OLAH: variants seen among roughly 807,000 people sequenced by gnomAD.
The protein encoded by OLAH is oleoyl-ACP hydrolase.
A neutral mutation model predicts 27.8 loss-of-function variants in OLAH; 33 were observed. The observed-to-expected ratio is 1.19, with a 90% CI of 0.90 to 1.59. The LOEUF is 1.59. OLAH is among the 40% of genes most tolerant of loss of function. The probability of loss-of-function intolerance (pLI) is 0.00; values close to 1 mark genes in which losing one functional copy is unlikely to be tolerated. For missense variants in OLAH, 359 were observed against 310.8 expected (o/e 1.16, Z -1.17); for synonymous variants, 120 against 102.9 (o/e 1.17, Z -1.01).
At position 15,073,349 on chromosome 10, in the gene OLAH, G is replaced by A. The variant is rs532642733; in HGVS notation, c.*120G>A. The A allele has an allele frequency of 4.9e-5, 34 of 689,592 alleles. No homozygotes were observed. Among genetic ancestry groups the A allele is most frequent in the African/African-American group, 3.5e-4 (19 of 54,672 alleles). 42.7% of individuals were successfully genotyped at this position (689,592 alleles called of 1,614,324 possible). On this transcript the variant is annotated 3_prime_UTR_variant, in exon 8 of 8. Coordinates refer to ENST00000378228, the MANE Select transcript of OLAH (RefSeq NM_001039702.3). ...ACATTTTCTACTGTCAGGGAGATTC[G>A]TTACATAAATATATTTACGTATCTG...
chr10:15,064,355 C>T (rs374053752), intron 4 of OLAH, 48 bp from the exon 5 acceptor site: 180 of 1,094,188 alleles, frequency 1.6e-4, no homozygotes, highest in Non-Finnish European at 2.1e-4. Context: ...TGGATCATCA[C>T]GAGTTTTGCT....
At chr10:15,056,828 A>G in intron 3 of OLAH, 1 of 1,494,214 alleles carries the variant, frequency 6.7e-7, no homozygotes, top group Non-Finnish European at 8.9e-7. Context: ...TTGTAGAGAC[A>G]GCATCTCACC....
At chr10:15,047,006 A>G (rs1564527136) in intron 1 of OLAH, 120 bp from the exon 2 acceptor site, 2 of 335,634 alleles carry the variant, frequency 6.0e-6, no homozygotes, top group Non-Finnish European at 1.1e-5. Flanking sequence ...CCTTATCTGA[A>G]TAACATCAGT....
intron 6 of OLAH, among the ~76,000 whole-genome samples, chr10:15,067,438 G>A (rs1435434525): frequency 2.0e-5 from 3 of 152,064 alleles, no homozygotes; most frequent in African/African-American, 4.8e-5. Context: ...AGAGGGGAGC[G>A]TCTGGCACAC....
chr10:15,046,030 C>G (rs1170514963), intron 1 of OLAH, among the ~76,000 whole-genome samples: 1 of 151,812 alleles, frequency 6.6e-6, no homozygotes, highest in East Asian at 1.9e-4. Flanking sequence ...GATTCAGTCT[C>G]AAAGAAATGA....
intron 3 of OLAH, chr10:15,056,811 TA>T (rs1284408918): frequency 2.5e-5 from 36 of 1,459,668 alleles, no homozygotes; most frequent in Non-Finnish European, 2.9e-5. Context: ...TATTTTATTT[TA>T]TTTTTTTGTA....
In OLAH at chr10:15,073,173, T is replaced by C; in HGVS notation, c.742T>C (p.Leu248=). Residue 248 remains leucine (L), a synonymous_variant, in exon 8 of 8, where the codon TTA becomes CTA. Coordinates refer to ENST00000378228, the MANE Select transcript of OLAH (RefSeq NM_001039702.3). Reference sequence around the variant, plus strand: ...TCTTCTGGATCCTGCGAACGAGAAATTAATCAAGAACTACATAATCAAGTG... The same window carrying C: ...TCTTCTGGATCCTGCGAACGAGAAACTAATCAAGAACTACATAATCAAGTG... ...FYLLDPANEK[L]IKNYIIKCLE... The C allele has an allele frequency of 6.2e-7, 1 of 1,610,510 alleles. No individual in the cohort carries two copies.
chr10:15,069,975 C>T (rs1308722182), intron 6 of OLAH, among the ~76,000 whole-genome samples: 2 of 152,254 alleles, frequency 1.3e-5, no homozygotes, highest in South Asian at 2.1e-4. Context: ...TGAGTCTTAT[C>T]GCATGTACAG....
chr10:15,055,295 G>T (rs1844225168), intron 3 of OLAH, among the ~76,000 whole-genome samples: 2 of 152,206 alleles, frequency 1.3e-5, no homozygotes, highest in African/African-American at 4.8e-5. Flanking sequence ...GCTAAGGTTG[G>T]TTGCTGACTA....
At chr10:15,050,898 T>C (rs1416437764) in intron 3 of OLAH, among the ~76,000 whole-genome samples, 3 of 151,966 alleles carry the variant, frequency 2.0e-5, no homozygotes, top group South Asian at 4.1e-4. Context: ...AATAATAATA[T>C]TTAAAGTCAA....
chr10:15,051,105 T>C (rs1449272824), intron 3 of OLAH, among the ~76,000 whole-genome samples: 1 of 149,434 alleles, frequency 6.7e-6, no homozygotes. Context: ...AGATGGAGTC[T>C]TGCTCTGTCT....
rs200365095 is a variant in OLAH, at chr10:15,033,049, T to C, written c.-164+699T>C. Among the ~76,000 whole-genome samples the C allele has an allele frequency of 1.4e-4, 21 of 151,734 alleles. No individual in the cohort carries two copies. In the East Asian group the frequency reaches 3.9e-3, roughly 28 times the overall value. The stretch of plus-strand genomic sequence containing the variant: ...CACCACAGTGGGCTAATTTTTTTTT[T>C]TTTTTAAAGTAGAGATGGGGTTTCA... On this transcript the variant is annotated intron_variant, in intron 1 of 3. Coordinates refer to the OLAH transcript ENST00000413672.
At chr10:15,056,297 A>G (rs1844242663) in intron 3 of OLAH, among the ~76,000 whole-genome samples, 2 of 152,134 alleles carry the variant, frequency 1.3e-5, no homozygotes, top group South Asian at 2.1e-4. Context: ...CTTCTTATAT[A>G]CATGTACGAG....
At chr10:15,057,038 T>C (rs759069474) in intron 3 of OLAH, 18 of 1,337,256 alleles carry the variant, frequency 1.3e-5, no homozygotes, top group Non-Finnish European at 1.7e-5. Context: ...CTTTTTAATG[T>C]GGTGTCTTCT....
rs202058595 is a variant in OLAH, at chr10:15,061,711, T to C, written c.164-13T>C. 3.3e-5 allele frequency: 52 copies of C among 1,585,930 alleles called. No individual in the cohort carries two copies. The highest frequency in any genetic ancestry group is 1.4e-4 in the South Asian group (12 of 86,556). Reference sequence around the variant, plus strand: ...CTGTCTGTGCGTGTTCACTTGTGTTTCTCCATCTCCAGTGCACTCCTTAAG... The same window carrying C: ...CTGTCTGTGCGTGTTCACTTGTGTTCCTCCATCTCCAGTGCACTCCTTAAG... On this transcript the variant is annotated splice_polypyrimidine_tract_variant and intron_variant, in intron 3 of 7. Transcript: ENST00000378228.
At chr10:15,049,100 CTTTTTTTT>C (rs752500462) in intron 2 of OLAH, among the ~76,000 whole-genome samples, 3 of 55,348 alleles carry the variant, frequency 5.4e-5, no homozygotes, top group Non-Finnish European at 1.0e-4. Context: ...GAGACTATGT[CTTTTTTTT>C]TTTTTTTTTT....
chr10:15,073,169 G>C lies in OLAH; in HGVS notation c.738G>C (p.Glu246Asp). Residue 246 changes from glutamate to aspartate, a missense_variant, in exon 8 of 8, where the codon GAG (glutamate) becomes GAC (aspartate). Physicochemically the swap from Glu to Asp is conservative, Grantham distance 45 (BLOSUM62 2). Transcript: ENST00000378228. ...GHFYLLDPANEKLIKNYIIKC... is the reference protein window; with the variant it reads ...GHFYLLDPANDKLIKNYIIKC... ...TTTATCTTCTGGATCCTGCGAACGAGAAATTAATCAAGAACTACATAATCA... is the reference window on the plus strand; with the variant it reads ...TTTATCTTCTGGATCCTGCGAACGACAAATTAATCAAGAACTACATAATCA... 2 of 1,611,236 alleles carry C rather than the reference G, an allele frequency of 1.2e-6. No homozygotes were observed. Among genetic ancestry groups the C allele is most frequent in the South Asian group, 1.1e-5 (1 of 90,976 alleles).
intron 4 of OLAH, 112 bp from the exon 5 acceptor site, chr10:15,064,291 C>A (rs1029827048): frequency 3.7e-5 from 24 of 644,828 alleles, no homozygotes; most frequent in Non-Finnish European, 6.5e-5. Context: ...ACTTTCCTTT[C>A]ATCTATTACA....
intron 3 of OLAH, among the ~76,000 whole-genome samples, chr10:15,060,077 T>G (rs765398380): frequency 3.0e-4 from 45 of 152,202 alleles, no homozygotes; most frequent in Non-Finnish European, 5.7e-4. Flanking sequence ...CTTCTGGGAC[T>G]CCAATTACAC....
Sources: gnomAD v4.1 joint callset for allele counts (sites outside exome capture counted in the v4.1 genomes callset) on GRCh38, gnomAD v4.1.1 for gene constraint, MANE v1.5 for transcripts, NCBI Gene and HGNC (gene_info 2026-07-23, HGNC 2026-07-21) for gene names.